SETBP1: variants seen among roughly 807,000 people sequenced by gnomAD.
The protein encoded by SETBP1 is SET-binding protein.
Under a neutral mutation model 101.0 loss-of-function variants are expected in SETBP1, and 9 were observed. The ratio of observed to expected loss-of-function variants is 0.09; its 90% confidence interval spans 0.05 to 0.16. The LOEUF is 0.16. SETBP1 is among the 10% of genes least tolerant of loss of function. The pLI is 1.00. For synonymous variants in SETBP1, 818 were observed against 788.5 expected, an observed-to-expected ratio of 1.04 and a Z score of -0.63; for missense variants, 1,858 against 2,033.8, an observed-to-expected ratio of 0.91 and a Z score of 1.66.
At chr18:44,880,746 T>C (rs897674498) in intron 3 of SETBP1, among the ~76,000 whole-genome samples, 1 of 152,042 alleles carries the variant, frequency 6.6e-6, no homozygotes, top group African/African-American at 2.4e-5. Flanking sequence ...AATGACCAGA[T>C]CACTTGCGAA....
intron 2 of SETBP1, among the ~76,000 whole-genome samples, chr18:44,850,066 A>G (rs1391501517): frequency 6.6e-6 from 1 of 152,158 alleles, no homozygotes; most frequent in Non-Finnish European, 1.5e-5. Context: ...CACCTCCAAA[A>G]CTTGATCATT....
At chr18:44,953,951 A>G (rs755846016) in intron 4 of SETBP1, among the ~76,000 whole-genome samples, 1 of 152,168 alleles carries the variant, frequency 6.6e-6, no homozygotes, top group Non-Finnish European at 1.5e-5. Flanking sequence ...TGAAAACTTG[A>G]CTACATTCAG....
intron 2 of SETBP1, among the ~76,000 whole-genome samples, chr18:44,708,312 T>G (rs1222913826): frequency 1.3e-5 from 2 of 152,204 alleles, no homozygotes; most frequent in Admixed American, 1.3e-4. Context: ...ATGTGGTGTT[T>G]CAAACTCCTG....
chr18:44,975,137 G>A (rs760137131), intron 4 of SETBP1, among the ~76,000 whole-genome samples: 15 of 152,164 alleles, frequency 9.9e-5, no homozygotes, highest in South Asian at 2.1e-4. Flanking sequence ...GCCCTCTTCC[G>A]TTTTAATGTT....
At chr18:44,836,139 A>G (rs552894080) in intron 2 of SETBP1, among the ~76,000 whole-genome samples, 5 of 151,708 alleles carry the variant, frequency 3.3e-5, no homozygotes, top group Non-Finnish European at 7.4e-5. Context: ...TTTATTGTAA[A>G]TGTTATTTAC....
chr18:44,779,291 G>A (rs73952924), intron 2 of SETBP1, among the ~76,000 whole-genome samples: 6,814 of 152,226 alleles, frequency 0.045, 193 homozygotes, highest in South Asian at 0.098. Context: ...CACTTGGTGC[G>A]GGTATTGGAA....
intron 2 of SETBP1, among the ~76,000 whole-genome samples, chr18:44,805,161 CT>C (rs1317197344): frequency 6.6e-6 from 1 of 152,122 alleles, no homozygotes; most frequent in Non-Finnish European, 1.5e-5. Context: ...GAAGTTTTCT[CT>C]CTCTAGGGAT....
At chr18:45,047,307 T>G (rs2073632267) in intron 5 of SETBP1, among the ~76,000 whole-genome samples, 1 of 152,202 alleles carries the variant, frequency 6.6e-6, no homozygotes, top group South Asian at 2.1e-4. Context: ...ATATCAAATA[T>G]TCAAGCTTCT....
intron 4 of SETBP1, among the ~76,000 whole-genome samples, chr18:44,975,018 T>C (rs191223031): frequency 3.5e-4 from 54 of 152,336 alleles, no homozygotes; most frequent in African/African-American, 1.1e-3. Context: ...CCAACACCTC[T>C]TTATTAACTT....
At chr18:44,975,184 GA>G (rs986517761) in intron 4 of SETBP1, among the ~76,000 whole-genome samples, 12 of 152,206 alleles carry the variant, frequency 7.9e-5, no homozygotes, top group Non-Finnish European at 1.6e-4. Flanking sequence ...TCTGCACTGA[GA>G]AAGAAATTTA....
rs528302131 is a variant in SETBP1, at chr18:44,945,793, A to G, written c.541-4088A>G. ...ACAAAAACAAACCCCAAAACTCTCA[A>G]TCTAAAGAGAAAAAGGAGATGTGGT... On this transcript the variant is annotated intron_variant, in intron 3 of 5. Transcript: ENST00000649279. Among the ~76,000 whole-genome samples the G allele has an allele frequency of 2.0e-5, 3 of 152,310 alleles. No homozygotes were observed. In the South Asian group the frequency reaches 6.2e-4, roughly 32 times the overall value.
chr18:44,907,365 A>G (rs2070199337), intron 3 of SETBP1, among the ~76,000 whole-genome samples: 1 of 152,224 alleles, frequency 6.6e-6, no homozygotes, highest in African/African-American at 2.4e-5. Context: ...TCTTGGGTAT[A>G]TACTTAGGAG....
chr18:44,944,116 G>A (rs2071149901), intron 3 of SETBP1, among the ~76,000 whole-genome samples: 1 of 152,074 alleles, frequency 6.6e-6, no homozygotes, highest in Non-Finnish European at 1.5e-5. Flanking sequence ...TTACACACAT[G>A]AGCCACTGCG....
At chr18:44,882,788 C>G (rs1384905716) in intron 3 of SETBP1, among the ~76,000 whole-genome samples, 1 of 152,154 alleles carries the variant, frequency 6.6e-6, no homozygotes, top group Non-Finnish European at 1.5e-5. Context: ...TAGGCTTCAG[C>G]AACCTTGCAG....
chr18:44,820,344 A>C (rs76996336), intron 2 of SETBP1, among the ~76,000 whole-genome samples: 2,190 of 152,278 alleles, frequency 0.014, 24 homozygotes, highest in Non-Finnish European at 0.021. Context: ...TGAAGACATC[A>C]TCTGTTTCCT....
chr18:45,037,571 G>A (rs75824844), intron 4 of SETBP1, among the ~76,000 whole-genome samples: 4,975 of 152,166 alleles, frequency 0.033, 277 homozygotes, highest in African/African-American at 0.11. Context: ...AGTTTAAAAC[G>A]TGGAGAGATT....
chr18:44,702,781 G>T (rs2069140214), intron 2 of SETBP1, among the ~76,000 whole-genome samples: 1 of 152,186 alleles, frequency 6.6e-6, no homozygotes, highest in South Asian at 2.1e-4. Flanking sequence ...AATCATCATT[G>T]TGAAAGCCAG....
intron 3 of SETBP1, among the ~76,000 whole-genome samples, chr18:44,909,371 T>C (rs1237924484): frequency 6.6e-6 from 1 of 152,198 alleles, no homozygotes; most frequent in African/African-American, 2.4e-5. Context: ...AGTTTGTAGG[T>C]GTCTGCTCGG....
At chr18:44,918,018 T>C (rs2070482618) in intron 3 of SETBP1, among the ~76,000 whole-genome samples, 2 of 152,172 alleles carry the variant, frequency 1.3e-5, no homozygotes, top group South Asian at 4.1e-4. Context: ...TCCCACAGCA[T>C]GCCGCCCTCG....
Sources: gnomAD v4.1 joint callset for allele counts (sites outside exome capture counted in the v4.1 genomes callset) on GRCh38, gnomAD v4.1.1 for gene constraint, MANE v1.5 for transcripts, NCBI Gene and HGNC (gene_info 2026-07-23, HGNC 2026-07-21) for gene names.